Variants in HIF3A observed in about 807,000 individuals in gnomAD.
The protein encoded by HIF3A is hypoxia inducible factor 3 subunit alpha.
A neutral mutation model predicts 67.2 loss-of-function variants in HIF3A; 41 were observed. That is an observed-to-expected ratio of 0.61 (90% CI 0.48 to 0.79). HIF3A has a LOEUF of 0.79. Ranked by LOEUF, HIF3A falls within the 30% of genes least tolerant of loss-of-function variation. The probability of loss-of-function intolerance (pLI) is 0.00; values close to 1 mark genes in which losing one functional copy is unlikely to be tolerated. For missense variants in HIF3A, 855 were observed against 898.0 expected, an observed-to-expected ratio of 0.95 and a Z score of 0.61; for synonymous variants, 356 against 374.8, an observed-to-expected ratio of 0.95 and a Z score of 0.58.
chr19:46,317,249 C>T (rs1969989798), intron 8 of HIF3A, among the ~76,000 whole-genome samples: 1 of 151,694 alleles, frequency 6.6e-6, no homozygotes, highest in Non-Finnish European at 1.5e-5. Context: ...GGGATGGGGT[C>T]TCACTGTGTT....
intron 8 of HIF3A, 59 bp downstream of exon 8, chr19:46,312,712 G>GGTGTGTGTGTGT (rs112839120): frequency 9.4e-4 from 1,352 of 1,432,926 alleles, no homozygotes; most frequent in African/African-American, 3.4e-3. Context: ...TGTGTGGACA[G>GGTGTGTGTGTGT]GTGTGTGTGT....
intron 1 of HIF3A, chr19:46,298,501 G>A: frequency 3.1e-6 from 4 of 1,281,950 alleles, no homozygotes; most frequent in Non-Finnish European, 3.0e-6. Context: ...CAGCCAACGG[G>A]GGCCTGGGCG....
chr19:46,308,183 A>T, intron 3 of HIF3A, 38 bp from the exon 4 acceptor site: 14 of 1,353,812 alleles, frequency 1.0e-5, no homozygotes, highest in Non-Finnish European at 1.5e-5. Flanking sequence ...GATGGGTCAG[A>T]AGCCCTGGTA....
intron 8 of HIF3A, 132 bp from the exon 9 acceptor site, chr19:46,320,311 T>C (rs1970262934): frequency 2.9e-6 from 2 of 679,608 alleles, no homozygotes; most frequent in African/African-American, 3.6e-5. Context: ...TGGGCAATTA[T>C]TTTCTGCAAA....
intron 8 of HIF3A, chr19:46,312,882 ATTT>A: frequency 3.2e-3 from 2,764 of 876,214 alleles, no homozygotes; most frequent in Middle Eastern, 7.6e-3. Flanking sequence ...TAGACTGTTA[ATTT>A]TTTTTTTTTT....
At chr19:46,325,089 C>T (rs967871861) in intron 10 of HIF3A, among the ~76,000 whole-genome samples, 14 of 150,720 alleles carry the variant, frequency 9.3e-5, no homozygotes, top group African/African-American at 2.9e-4. Context: ...CTCTGCTTCC[C>T]AGGCTCAAGC....
intron 13 of HIF3A, 31 bp downstream of exon 13, chr19:46,331,304 C>T: frequency 6.5e-7 from 1 of 1,540,332 alleles, no homozygotes; most frequent in Non-Finnish European, 9.0e-7. Context: ...GATTCTCTGG[C>T]CCTCATTACC....
chr19:46,327,214 A>G (rs1402940190), intron 11 of HIF3A, among the ~76,000 whole-genome samples: 1 of 151,212 alleles, frequency 6.6e-6, no homozygotes, highest in Non-Finnish European at 1.5e-5. Flanking sequence ...CTGGTCTTGA[A>G]CTCCCAGGCT....
chr19:46,319,707 G>A (rs910258383), intron 8 of HIF3A, among the ~76,000 whole-genome samples: 15 of 152,002 alleles, frequency 9.9e-5, no homozygotes, highest in Non-Finnish European at 4.4e-5. Context: ...AATCTATAAA[G>A]AGAATATTTA....
In HIF3A at chr19:46,334,944, C is replaced by G; in HGVS notation, c.1870C>G (p.Gln624Glu). ...LTGGPAPGSL[Q>E]DPSTPLLNLN... Reference sequence around the variant, plus strand: ...AGGAGGACCAGCCCCAGGGAGCCTGCAGGACCCCAGCACCCCACTCCTGAA... The same window carrying G: ...AGGAGGACCAGCCCCAGGGAGCCTGGAGGACCCCAGCACCCCACTCCTGAA... The change falls in exon 14 of 15, where the codon CAG (glutamine) becomes GAG (glutamate). Residue 624 changes from glutamine to glutamate, a missense_variant. Physicochemically the swap from Gln to Glu is conservative, Grantham distance 29. Around this residue, in one of 3 missense-constraint regions of HIF3A, gnomAD observed 199 missense variants for 193.8 expected, o/e 1.03. Transcript: ENST00000377670. The G allele has an allele frequency of 6.2e-7, 1 of 1,609,254 alleles. No individual in the cohort carries two copies. The highest frequency in any genetic ancestry group is 2.2e-5 in the East Asian group (1 of 44,742).
At chr19:46,301,821 CAA>C (rs747426029) in intron 1 of HIF3A, among the ~76,000 whole-genome samples, 5 of 82,704 alleles carry the variant, frequency 6.0e-5, no homozygotes, top group Non-Finnish European at 1.1e-4. Context: ...AACTCCGTCT[CAA>C]AAAAAAAAAA....
intron 8 of HIF3A, chr19:46,313,120 A>G: frequency 3.5e-6 from 2 of 564,036 alleles, no homozygotes; most frequent in Non-Finnish European, 2.2e-6. Flanking sequence ...GTGTGGTGAC[A>G]CATGCCTGTA....
chr19:46,308,299 C>G lies in HIF3A; in HGVS notation c.442C>G (p.Gln148Glu), dbSNP rs762589068. Residue 148 changes from glutamine (Q) to glutamate (E), a missense_variant, in exon 4 of 15, where the codon CAG becomes GAG. By Grantham distance (29) the Gln-to-Glu change is conservative. This residue lies in a region of HIF3A where 638 missense variants were observed against 660.5 expected (regional missense o/e 0.97). Transcript: ENST00000377670. ...QEELQDALTP[Q>E]QTLSRRKVEA... is the part of the protein sequence containing the mutation. ...GGAGCTTCAGGACGCCCTGACCCCC[C>G]AGCAGAGTGAGTTCCCTGGAGGCCT... 6 of 1,608,024 alleles carry G rather than the reference C, an allele frequency of 3.7e-6. No homozygotes were observed. The highest frequency in any genetic ancestry group is 1.7e-5 in the Admixed American group (1 of 59,550).
At chr19:46,329,181 T>C (rs777616168) in intron 11 of HIF3A, 26 bp from the exon 12 acceptor site, 1 of 1,568,354 alleles carries the variant, frequency 6.4e-7, no homozygotes, top group East Asian at 2.3e-5. Flanking sequence ...AGGCTCATCC[T>C]CTTACCTCCC....
At chr19:46,329,016 G>C (rs1159606722) in intron 11 of HIF3A, 191 bp from the exon 12 acceptor site, 3 of 488,364 alleles carry the variant, frequency 6.1e-6, no homozygotes, top group Non-Finnish European at 1.1e-5. Flanking sequence ...GAGCTACCAT[G>C]CTTCTGACCC....
In HIF3A at chr19:46,308,259, C is replaced by A; in HGVS notation, c.402C>A (p.His134Gln). 2 of 1,613,882 alleles carry A rather than the reference C, an allele frequency of 1.2e-6. No homozygotes were observed. The highest frequency in any genetic ancestry group is 1.7e-6 in the Non-Finnish European group (2 of 1,179,878). ...LIGHSIFDFI[H>Q]PCDQEELQDA... The stretch of plus-strand genomic sequence containing the variant: ...GACACAGCATCTTTGATTTCATCCA[C>A]CCCTGTGACCAAGAGGAGCTTCAGG... The change falls in exon 4 of 15, where the codon CAC (histidine) becomes CAA (glutamine). Residue 134 changes from histidine to glutamine, a missense_variant. Coordinates refer to ENST00000377670, the MANE Select transcript of HIF3A (RefSeq NM_152795.4).
At chr19:46,303,863 G>C (rs755066168) in intron 1 of HIF3A, 35 bp from the exon 2 acceptor site, 3 of 1,591,268 alleles carry the variant, frequency 1.9e-6, no homozygotes, top group Non-Finnish European at 2.6e-6. Flanking sequence ...TCTCTTTCCC[G>C]AGTCACCACC....
chr19:46,312,195 C>T lies in HIF3A; in HGVS notation c.805C>T (p.Leu269=). ...AGTGGCTGGCTATAGTCCCGATGAC[C>T]TGATCGGCTGTTCCGCCTACGAGTA... ...AEVAGYSPDD[L]IGCSAYEYIH... is the part of the protein sequence containing the mutation. Residue 269 remains leucine (L), a synonymous_variant, in exon 7 of 15, where the codon CTG becomes TTG. Coordinates refer to ENST00000377670, the MANE Select transcript of HIF3A (RefSeq NM_152795.4). The T allele has an allele frequency of 6.2e-7, 1 of 1,614,130 alleles. No individual in the cohort carries two copies. Among genetic ancestry groups the T allele is most frequent in the Non-Finnish European group, 8.5e-7 (1 of 1,180,020 alleles).
At chr19:46,302,201 C>T (rs8109971) in intron 1 of HIF3A, among the ~76,000 whole-genome samples, 9,609 of 152,094 alleles carry the variant, frequency 0.063, 966 homozygotes, top group African/African-American at 0.22. Flanking sequence ...GCGATCTTGG[C>T]TCACTGCAAC....
Sources: gnomAD v4.1 joint callset for allele counts (sites outside exome capture counted in the v4.1 genomes callset) on GRCh38, gnomAD v4.1.1 for gene constraint, gnomAD v4.1.1 regional missense constraint, MANE v1.5 for transcripts, NCBI Gene and HGNC (gene_info 2026-07-23, HGNC 2026-07-21) for gene names.